Variants in ELMO1 observed in about 807,000 individuals in gnomAD.
ELMO1 encodes engulfment and cell motility 1.
ELMO1 carries 26 observed loss-of-function variants against 98.9 expected under a neutral mutation model. The observed-to-expected ratio is 0.26, with a 90% CI of 0.19 to 0.36. The LOEUF is 0.36. Among genes scored for constraint, ELMO1 ranks in the 10% least tolerant of loss-of-function variants. The probability of loss-of-function intolerance (pLI) is 1.00; values close to 1 mark genes in which losing one functional copy is unlikely to be tolerated. For synonymous variants in ELMO1, 346 were observed against 346.0 expected (o/e 1.00, Z 0.00); for missense variants, 627 against 935.2 (o/e 0.67, Z 4.30).
At chr7:37,087,716 T>C (rs778628793) in intron 15 of ELMO1, among the ~76,000 whole-genome samples, 54 of 152,342 alleles carry the variant, frequency 3.5e-4, no homozygotes, top group South Asian at 8.3e-4. Context: ...CATCCATTTT[T>C]TCATTTTACT....
At chr7:37,187,458 T>C (rs1791280049) in intron 13 of ELMO1, among the ~76,000 whole-genome samples, 1 of 152,198 alleles carries the variant, frequency 6.6e-6, no homozygotes. Context: ...CTATAAATTA[T>C]ACATCAATAA....
intron 16 of ELMO1, among the ~76,000 whole-genome samples, chr7:37,000,659 G>C (rs60835290): frequency 1.1e-4 from 17 of 152,164 alleles, no homozygotes; most frequent in Non-Finnish European, 1.8e-4. Flanking sequence ...TATTTCCTAG[G>C]CATGCTTGGC....
chr7:37,184,520 A>G (rs1791080868), intron 13 of ELMO1, among the ~76,000 whole-genome samples: 1 of 152,220 alleles, frequency 6.6e-6, no homozygotes, highest in South Asian at 2.1e-4. Flanking sequence ...ACGTTGACTG[A>G]AAAGCCATAC....
chr7:37,437,612 A>G (rs1583763185), intron 1 of ELMO1, among the ~76,000 whole-genome samples: 2 of 152,208 alleles, frequency 1.3e-5, no homozygotes, highest in Admixed American at 1.3e-4. Flanking sequence ...CATATCTATC[A>G]CTTCAAATAT....
intron 15 of ELMO1, among the ~76,000 whole-genome samples, chr7:37,067,585 G>C (rs1028963470): frequency 3.9e-5 from 6 of 152,108 alleles, no homozygotes; most frequent in Admixed American, 2.0e-4. Context: ...AAAAGATGTC[G>C]AGAGAGATAA....
intron 14 of ELMO1, among the ~76,000 whole-genome samples, chr7:37,123,512 T>C (rs544826807): frequency 2.6e-5 from 4 of 152,290 alleles, no homozygotes; most frequent in East Asian, 1.9e-4. Flanking sequence ...TAAACACCTC[T>C]ACATAAATAA....
intron 15 of ELMO1, among the ~76,000 whole-genome samples, chr7:37,025,413 C>T (rs1794510115): frequency 6.6e-6 from 1 of 152,086 alleles, no homozygotes; most frequent in Non-Finnish European, 1.5e-5. Flanking sequence ...CCAATGGGTG[C>T]CCAGATTAAA....
chr7:36,985,256 A>T (rs564983966), intron 16 of ELMO1: 1 of 283,728 alleles, frequency 3.5e-6, no homozygotes, highest in African/African-American at 2.3e-5. Context: ...GAAAGGATGC[A>T]AAATAGAGTC....
At chr7:36,927,977 C>A (rs760109468) in intron 16 of ELMO1, among the ~76,000 whole-genome samples, 7 of 152,264 alleles carry the variant, frequency 4.6e-5, no homozygotes, top group Middle Eastern at 3.4e-3. Context: ...ATAACTCATG[C>A]CAGTCAATCT....
At chr7:37,338,118 G>A (rs77747450) in intron 2 of ELMO1, among the ~76,000 whole-genome samples, 1 of 152,164 alleles carries the variant, frequency 6.6e-6, no homozygotes, top group Non-Finnish European at 1.5e-5. Flanking sequence ...AATAATGGCT[G>A]CTTTTATTGA....
chr7:37,030,093 C>T (rs951582090), intron 15 of ELMO1, among the ~76,000 whole-genome samples: 9 of 152,104 alleles, frequency 5.9e-5, no homozygotes, highest in African/African-American at 1.2e-4. Flanking sequence ...AGCTTCTTGG[C>T]GGCCATCTTT....
chr7:37,267,074 C>T (rs2130832012), intron 5 of ELMO1, among the ~76,000 whole-genome samples: 1 of 146,494 alleles, frequency 6.8e-6, no homozygotes, highest in East Asian at 2.0e-4. Context: ...CACACACACA[C>T]ACACACACAC....
intron 16 of ELMO1, among the ~76,000 whole-genome samples, chr7:36,913,667 G>A (rs1784490629): frequency 6.6e-6 from 1 of 152,232 alleles, no homozygotes; most frequent in Non-Finnish European, 1.5e-5. Context: ...ACAGTTTGGA[G>A]AGGAGTTTGT....
chr7:36,899,137 G>C (rs1202276463), intron 16 of ELMO1, among the ~76,000 whole-genome samples: 1 of 152,176 alleles, frequency 6.6e-6, no homozygotes, highest in Non-Finnish European at 1.5e-5. Flanking sequence ...GAGAAATGAG[G>C]GAGCTGCAAG....
At chr7:36,971,284 C>T (rs1180933927) in intron 16 of ELMO1, among the ~76,000 whole-genome samples, 2 of 152,140 alleles carry the variant, frequency 1.3e-5, no homozygotes, top group East Asian at 1.9e-4. Flanking sequence ...AAAGTTTTGG[C>T]AGGTGGTGAT....
intron 18 of ELMO1, among the ~76,000 whole-genome samples, chr7:36,883,026 C>T (rs2129048014): frequency 6.6e-6 from 1 of 152,286 alleles, no homozygotes; most frequent in East Asian, 1.9e-4. Flanking sequence ...GAATGACCTG[C>T]TCCCCACAAC....
In ELMO1 at chr7:37,356,799, A is replaced by G. The variant is rs144874894; in HGVS notation, c.-73-14036T>C. ...AAAAGAAAAATGATCAATGGATAGGAAGACAAATTCACAAAATCCTTTAAG... is the reference window on the plus strand; with the variant it reads ...AAAAGAAAAATGATCAATGGATAGGGAGACAAATTCACAAAATCCTTTAAG... On this transcript the variant is annotated intron_variant, in intron 1 of 21. Coordinates refer to ENST00000310758, the MANE Select transcript of ELMO1 (RefSeq NM_014800.11). Among the ~76,000 whole-genome samples the G allele has an allele frequency of 2.3e-4, 35 of 152,238 alleles. No individual in the cohort carries two copies. In the East Asian group the frequency reaches 6.8e-3, roughly 29 times the overall value.
chr7:36,936,172 G>A (rs1051080734), intron 16 of ELMO1, among the ~76,000 whole-genome samples: 19 of 152,124 alleles, frequency 1.2e-4, no homozygotes, highest in Admixed American at 1.2e-3. Flanking sequence ...TCAAGCCAAG[G>A]ACCAAGCAGA....
At position 37,146,795 on chromosome 7, in the gene ELMO1, A is replaced by G. The variant is rs191797981; in HGVS notation, c.1087-13561T>C. Among the ~76,000 whole-genome samples, 172 of 152,322 alleles carry G rather than the reference A, an allele frequency of 1.1e-3. 1 individual carries two copies. The highest frequency in any genetic ancestry group is 3.9e-3 in the African/African-American group (164 of 41,572). ...TGGTGAATATCCTGAGAGCAGAAAA[A>G]TAACTGTGACAAGGTGTTGGCACTG... On this transcript the variant is annotated intron_variant, in intron 13 of 21. Coordinates refer to ENST00000310758, the MANE Select transcript of ELMO1 (RefSeq NM_014800.11).
Sources: allele counts gnomAD v4.1 joint callset (sites outside exome capture counted in the v4.1 genomes callset), GRCh38; gene constraint gnomAD v4.1.1; transcripts MANE v1.5; gene names NCBI Gene and HGNC (gene_info 2026-07-23, HGNC 2026-07-21).